DNER: variants seen among roughly 807,000 people sequenced by gnomAD.
DNER encodes delta/notch like EGF repeat containing.
In DNER, 33 loss-of-function variants were observed where a neutral mutation model predicts 78.2. That is an observed-to-expected ratio of 0.42 (90% CI 0.32 to 0.56). The LOEUF is 0.56. DNER is among the 20% of genes least tolerant of loss of function. The pLI, the probability that DNER is intolerant of heterozygous loss-of-function variation, is 0.11. For synonymous variants in DNER, 417 were observed against 384.8 expected (o/e 1.08, Z -0.98); for missense variants, 918 against 975.3 (o/e 0.94, Z 0.78).
At position 229,357,855 on chromosome 2, in the gene DNER, T is replaced by G. The variant is rs1692122446; in HGVS notation, c.*685A>C. 7 of 152,514 alleles carry G rather than the reference T, an allele frequency of 4.6e-5. No homozygotes were observed. In the South Asian group the frequency reaches 1.4e-3, roughly 32 times the overall value. 9.4% of individuals were successfully genotyped at this position (152,514 alleles called of 1,614,324 possible). A position where few individuals can be genotyped will look rare whatever the true frequency, so the allele number is the denominator to read the frequency against. ...ACTCACAATATAGAACCCTTGACTT[T>G]TTAAAGAAAAATATAGATTCAAATC... On this transcript the variant is annotated 3_prime_UTR_variant, in exon 13 of 13. Coordinates refer to ENST00000341772, the MANE Select transcript of DNER (RefSeq NM_139072.4).
intron 7 of DNER, among the ~76,000 whole-genome samples, chr2:229,474,283 A>G (rs1694987409): frequency 1.3e-5 from 2 of 152,194 alleles, no homozygotes; most frequent in Admixed American, 1.3e-4. Context: ...CACTGTAAGG[A>G]TAGGCCAGTG....
chr2:229,701,548 C>T (rs1699746578), intron 1 of DNER, among the ~76,000 whole-genome samples: 1 of 152,260 alleles, frequency 6.6e-6, no homozygotes, highest in Admixed American at 6.5e-5. Context: ...CTGGCTAGCT[C>T]CTGGTCTATG....
intron 1 of DNER, among the ~76,000 whole-genome samples, chr2:229,712,791 T>G (rs1329642702): frequency 3.9e-5 from 6 of 152,158 alleles, no homozygotes; most frequent in Non-Finnish European, 8.8e-5. Flanking sequence ...TTCCTCCTCC[T>G]CATCACCTCC....
At chr2:229,555,933 A>G (rs900147012) in intron 4 of DNER, among the ~76,000 whole-genome samples, 5 of 152,236 alleles carry the variant, frequency 3.3e-5, no homozygotes, top group Admixed American at 6.5e-5. Flanking sequence ...CAGTTATTAT[A>G]AAAGTATTTT....
intron 6 of DNER, among the ~76,000 whole-genome samples, chr2:229,499,418 C>A (rs1695566394): frequency 7.0e-6 from 1 of 141,976 alleles, no homozygotes; most frequent in African/African-American, 2.6e-5. Context: ...GCACTCCAGC[C>A]TGAGCAACAC....
chr2:229,367,335 T>G (rs1275702082), intron 11 of DNER, among the ~76,000 whole-genome samples: 3 of 152,224 alleles, frequency 2.0e-5, no homozygotes, highest in Non-Finnish European at 4.4e-5. Flanking sequence ...GCACAGTGGC[T>G]GACGGCTGTA....
chr2:229,699,497 C>T (rs567852711), intron 1 of DNER, among the ~76,000 whole-genome samples: 1 of 152,258 alleles, frequency 6.6e-6, no homozygotes, highest in East Asian at 1.9e-4. Flanking sequence ...TCCCAAGTAG[C>T]TGGGACTATA....
chr2:229,555,220 T>A (rs1696834912), intron 4 of DNER, among the ~76,000 whole-genome samples: 1 of 152,192 alleles, frequency 6.6e-6, no homozygotes, highest in Non-Finnish European at 1.5e-5. Context: ...GATTTCTTAC[T>A]GAAAAGTTTA....
At chr2:229,533,182 A>C (rs1696338041) in intron 5 of DNER, among the ~76,000 whole-genome samples, 1 of 152,228 alleles carries the variant, frequency 6.6e-6, no homozygotes, top group Non-Finnish European at 1.5e-5. Flanking sequence ...GTAAAAACAG[A>C]AATCTAGAAG....
chr2:229,458,042 A>C (rs1334444432), intron 7 of DNER, among the ~76,000 whole-genome samples: 1 of 147,524 alleles, frequency 6.8e-6, no homozygotes, highest in Non-Finnish European at 1.5e-5. Flanking sequence ...CGGCTAAGGC[A>C]GGAGAATCGC....
chr2:229,443,304 G>A (rs1299686784), intron 8 of DNER, among the ~76,000 whole-genome samples: 1 of 152,148 alleles, frequency 6.6e-6, no homozygotes, highest in Non-Finnish European at 1.5e-5. Flanking sequence ...TATCTGCAGA[G>A]GCCACCATTG....
intron 1 of DNER, among the ~76,000 whole-genome samples, chr2:229,631,294 G>C (rs1275409597): frequency 6.6e-6 from 1 of 151,784 alleles, no homozygotes; most frequent in African/African-American, 2.4e-5. Flanking sequence ...CATGGGGCTT[G>C]CCCCAGGTGC....
chr2:229,565,149 T>A (rs558616194), intron 4 of DNER, among the ~76,000 whole-genome samples: 1 of 152,288 alleles, frequency 6.6e-6, no homozygotes, highest in Non-Finnish European at 1.5e-5. Flanking sequence ...AGGTCCTAAG[T>A]GGAACTTAGA....
intron 1 of DNER, among the ~76,000 whole-genome samples, chr2:229,689,234 C>G (rs550964228): frequency 6.6e-6 from 1 of 152,252 alleles, no homozygotes; most frequent in African/African-American, 2.4e-5. Flanking sequence ...CCCTGATGGC[C>G]ACTCCCCTCC....
intron 11 of DNER, among the ~76,000 whole-genome samples, chr2:229,381,079 A>G (rs1240384265): frequency 6.6e-6 from 1 of 152,146 alleles, no homozygotes; most frequent in Non-Finnish European, 1.5e-5. Flanking sequence ...TAGCTGGCTC[A>G]TCTCATTGAG....
At chr2:229,593,580 T>C (rs1366093936) in intron 1 of DNER, among the ~76,000 whole-genome samples, 1 of 152,224 alleles carries the variant, frequency 6.6e-6, no homozygotes, top group Non-Finnish European at 1.5e-5. Context: ...ACAGACTGTA[T>C]GATGGGACTT....
chr2:229,687,496 T>A (rs1699505026), intron 1 of DNER, among the ~76,000 whole-genome samples: 1 of 152,120 alleles, frequency 6.6e-6, no homozygotes, highest in African/African-American at 2.4e-5. Context: ...ACTCCTGACC[T>A]CAAATGATCC....
intron 7 of DNER, among the ~76,000 whole-genome samples, chr2:229,449,938 C>T (rs908736002): frequency 5.9e-5 from 9 of 152,066 alleles, no homozygotes; most frequent in African/African-American, 1.7e-4. Flanking sequence ...GACACCACCA[C>T]GCCTGGCTAA....
At chr2:229,652,990 G>C (rs188533109) in intron 1 of DNER, among the ~76,000 whole-genome samples, 1 of 152,082 alleles carries the variant, frequency 6.6e-6, no homozygotes, top group East Asian at 1.9e-4. Context: ...TCTTCTCCCC[G>C]GAATTTGCTG....
Sources: gnomAD v4.1 joint callset for allele counts (sites outside exome capture counted in the v4.1 genomes callset) on GRCh38, gnomAD v4.1.1 for gene constraint, MANE v1.5 for transcripts, NCBI Gene and HGNC (gene_info 2026-07-23, HGNC 2026-07-21) for gene names.